The following GRIN2B variants were observed in gnomAD, a reference collection of about 807,000 sequenced individuals.
The protein encoded by GRIN2B is glutamate ionotropic receptor NMDA type subunit 2B, also known as glutamate receptor ionotropic, NMDA 2B.
In GRIN2B, 5 loss-of-function variants were observed where a neutral mutation model predicts 114.5. The observed-to-expected ratio is 0.04, with a 90% confidence interval of 0.02 to 0.09. GRIN2B has a LOEUF of 0.09. Among genes scored for constraint, GRIN2B ranks in the 10% least tolerant of loss-of-function variants. The pLI is 1.00. For missense variants in GRIN2B, 1,108 were observed against 1,943.5 expected, an observed-to-expected ratio of 0.57 and a Z score of 8.08; for synonymous variants, 787 against 745.1, an observed-to-expected ratio of 1.06 and a Z score of -0.92.
chr12:13,766,887 A>G (rs906610936), intron 3 of GRIN2B, among the ~76,000 whole-genome samples: 4 of 152,176 alleles, frequency 2.6e-5, no homozygotes, highest in Middle Eastern at 3.2e-3. Context: ...TGGTCAGGAA[A>G]TCAATCATGA....
chr12:13,803,873 A>ATT (rs1461075238), intron 3 of GRIN2B, among the ~76,000 whole-genome samples: 1 of 152,122 alleles, frequency 6.6e-6, no homozygotes, highest in East Asian at 1.9e-4. Context: ...CCAGTTGGGC[A>ATT]TTTGCCTTTC....
At chr12:13,880,717 A>G (rs183223302) in intron 2 of GRIN2B, among the ~76,000 whole-genome samples, 1 of 152,342 alleles carries the variant, frequency 6.6e-6, no homozygotes, top group Non-Finnish European at 1.5e-5. Context: ...ATTCATGGAA[A>G]CAGTTTTCTT....
intron 12 of GRIN2B, among the ~76,000 whole-genome samples, chr12:13,569,572 C>A (rs1325214729): frequency 6.6e-6 from 1 of 152,114 alleles, no homozygotes; most frequent in East Asian, 1.9e-4. Context: ...AGAGATTGAC[C>A]CTGCTGGCAC....
intron 3 of GRIN2B, among the ~76,000 whole-genome samples, chr12:13,814,504 C>A (rs1340854677): frequency 6.6e-6 from 1 of 152,154 alleles, no homozygotes; most frequent in East Asian, 1.9e-4. Context: ...AGAAGAAAAC[C>A]AGTGAATTTC....
intron 4 of GRIN2B, among the ~76,000 whole-genome samples, chr12:13,722,392 C>T (rs79877733): frequency 0.015 from 2,285 of 152,062 alleles, 61 homozygotes; most frequent in African/African-American, 0.053. Flanking sequence ...TTCAAAAAAG[C>T]GAAATTCAAG....
chr12:13,969,905 T>C (rs1007227560), intron 2 of GRIN2B, among the ~76,000 whole-genome samples: 2 of 152,158 alleles, frequency 1.3e-5, no homozygotes, highest in Non-Finnish European at 2.9e-5. Flanking sequence ...CAGGCTGGAG[T>C]GCAGTGGTGC....
At chr12:13,608,278 C>CCCACA (rs1949315245) in intron 10 of GRIN2B, among the ~76,000 whole-genome samples, 1 of 152,242 alleles carries the variant, frequency 6.6e-6, no homozygotes, top group South Asian at 2.1e-4. Flanking sequence ...CTAATAACAC[C>CCCACA]CCACATGGGC....
intron 5 of GRIN2B, among the ~76,000 whole-genome samples, chr12:13,661,415 C>T (rs1949922804): frequency 6.6e-6 from 1 of 152,138 alleles, no homozygotes; most frequent in Admixed American, 6.5e-5. Flanking sequence ...CTGGAGATTC[C>T]GTGCAACACA....
At position 13,902,066 on chromosome 12, in the gene GRIN2B, A is replaced by G. The variant is rs188384165; in HGVS notation, c.-18-35840T>C. The stretch of plus-strand genomic sequence containing the variant: ...TTCCATTTCATTGATATATTTGTAT[A>G]CCCTTGCAAAAATGTTACACCATTC... On this transcript the variant is annotated intron_variant, in intron 2 of 13. Coordinates refer to ENST00000609686, the MANE Select transcript of GRIN2B (RefSeq NM_000834.5). Among the ~76,000 whole-genome samples the G allele has an allele frequency of 9.7e-4, 148 of 152,228 alleles. No individual in the cohort carries two copies. In the East Asian group the frequency reaches 0.017, roughly 17 times the overall value.
At chr12:13,906,424 A>G (rs1866535348) in intron 2 of GRIN2B, among the ~76,000 whole-genome samples, 1 of 152,324 alleles carries the variant, frequency 6.6e-6, no homozygotes, top group South Asian at 2.1e-4. Context: ...GCTGTATTCA[A>G]TCAATTGCAA....
chr12:13,911,422 C>G (rs896189473), intron 2 of GRIN2B, among the ~76,000 whole-genome samples: 1 of 152,098 alleles, frequency 6.6e-6, no homozygotes, highest in East Asian at 1.9e-4. Flanking sequence ...AGCAAGTGAG[C>G]CTCAGAAGTC....
chr12:13,634,369 T>C (rs1055570696), intron 5 of GRIN2B: 6 of 152,202 alleles, frequency 3.9e-5, no homozygotes, highest in Non-Finnish European at 7.3e-5. Context: ...TCCAACACAA[T>C]AGAATTTCAT....
chr12:13,629,882 C>A (rs977909239), intron 5 of GRIN2B, among the ~76,000 whole-genome samples: 1 of 152,172 alleles, frequency 6.6e-6, no homozygotes, highest in Non-Finnish European at 1.5e-5. Flanking sequence ...GGCTCAGTAG[C>A]ATCTATGCCA....
In GRIN2B at chr12:13,548,888, G is replaced by A. The variant is rs74065119; in HGVS notation, c.*13895C>T. ...AAACTAGCCTCCTGAACCAGGCTCC[G>A]GGGATCAGTACACTCTGAAGTTGAT... On this transcript the variant is annotated 3_prime_UTR_variant, in exon 14 of 14. Transcript: ENST00000609686. 1.1e-4 allele frequency: 16 copies of A among 151,858 alleles called. No individual in the cohort carries two copies. The highest frequency in any genetic ancestry group is 4.2e-4 in the South Asian group (2 of 4,810). 9.4% of individuals were successfully genotyped at this position (151,858 alleles called of 1,614,324 possible).
At chr12:13,911,173 G>A (rs1866621894) in intron 2 of GRIN2B, among the ~76,000 whole-genome samples, 1 of 151,622 alleles carries the variant, frequency 6.6e-6, no homozygotes, top group African/African-American at 2.4e-5. Context: ...ATTCATTTTT[G>A]TATCTCGAAC....
At chr12:13,685,666 A>G (rs1276899626) in intron 4 of GRIN2B, among the ~76,000 whole-genome samples, 1 of 152,152 alleles carries the variant, frequency 6.6e-6, no homozygotes, top group African/African-American at 2.4e-5. Flanking sequence ...GACTCATTCA[A>G]AAACATATCT....
At chr12:13,814,274 A>G (rs1864780519) in intron 3 of GRIN2B, among the ~76,000 whole-genome samples, 1 of 152,264 alleles carries the variant, frequency 6.6e-6, no homozygotes, top group South Asian at 2.1e-4. Flanking sequence ...ATTCTCAGCT[A>G]GAGGGACCAC....
At chr12:13,875,217 A>G (rs1237450802) in intron 2 of GRIN2B, among the ~76,000 whole-genome samples, 1 of 152,184 alleles carries the variant, frequency 6.6e-6, no homozygotes, top group African/African-American at 2.4e-5. Context: ...TTAAAATAAA[A>G]GTTGAAGAAA....
intron 2 of GRIN2B, among the ~76,000 whole-genome samples, chr12:13,959,651 G>A (rs1003364919): frequency 5.9e-5 from 9 of 152,190 alleles, no homozygotes; most frequent in South Asian, 4.1e-4. Flanking sequence ...GGGGCCAGTG[G>A]AAACTGGTGC....
Sources: allele counts gnomAD v4.1 joint callset (sites outside exome capture counted in the v4.1 genomes callset), GRCh38; gene constraint gnomAD v4.1.1; transcripts MANE v1.5; gene names NCBI Gene and HGNC (gene_info 2026-07-23, HGNC 2026-07-21).